The following KBTBD11 variants were observed in gnomAD, a reference collection of about 807,000 sequenced individuals.
The protein encoded by KBTBD11 is kelch repeat and BTB domain-containing protein 11.
For synonymous variants in KBTBD11, 747 were observed against 499.0 expected, an observed-to-expected ratio of 1.50 and a Z score of -6.63; for missense variants, 1,390 against 1,001.8, an observed-to-expected ratio of 1.39 and a Z score of -5.23.
At chr8:1,978,674 C>A (rs913180725) in intron 1 of KBTBD11, among the ~76,000 whole-genome samples, 1 of 152,158 alleles carries the variant, frequency 6.6e-6, no homozygotes, top group African/African-American at 2.4e-5. Flanking sequence ...GGGGAGGGAA[C>A]GGGGTCTCAA....
chr8:2,001,915 C>A lies in KBTBD11; in HGVS notation c.723C>A (p.Ser241Arg). 1 of 1,454,956 alleles carries A rather than the reference C, an allele frequency of 6.9e-7. No individual in the cohort carries two copies. The allele number at this position is 1,454,956 out of a possible 1,614,324, so 90.1% of individuals were successfully genotyped here. ...LSLANCYEVL[S>R]AAKRQRLNEL... is the part of the protein sequence containing the mutation. Reference sequence around the variant, plus strand: ...TGGCCAACTGCTACGAGGTCCTGAGCGCGGCCAAGCGGCAGCGGCTGAACG... The same window carrying A: ...TGGCCAACTGCTACGAGGTCCTGAGAGCGGCCAAGCGGCAGCGGCTGAACG... Residue 241 changes from serine to arginine, a missense_variant, in exon 2 of 2, where the codon AGC (serine) becomes AGA (arginine). Ser to Arg is a moderately radical substitution (Grantham distance 110). Coordinates refer to ENST00000320248, the MANE Select transcript of KBTBD11 (RefSeq NM_014867.3).
chr8:1,986,600 AGT>A (rs1816713047), intron 1 of KBTBD11, among the ~76,000 whole-genome samples: 2 of 152,182 alleles, frequency 1.3e-5, no homozygotes, highest in Non-Finnish European at 2.9e-5. Context: ...TTAGTAACTA[AGT>A]TACTCAGCAG....
At chr8:1,978,316 C>T (rs1358930216) in intron 1 of KBTBD11, among the ~76,000 whole-genome samples, 1 of 152,228 alleles carries the variant, frequency 6.6e-6, no homozygotes, top group Non-Finnish European at 1.5e-5. Flanking sequence ...TCTCGCTGGG[C>T]ACAGCTCACC....
At position 1,974,423 on chromosome 8, in the gene KBTBD11, TCCC is replaced by T. The variant is rs1383924141; in HGVS notation, c.-909+489_-909+491del. On this transcript the variant is annotated intron_variant, in intron 1 of 1. Coordinates refer to ENST00000320248, the MANE Select transcript of KBTBD11 (RefSeq NM_014867.3). Reference sequence around the variant, plus strand: ...CGCGCGGGGCCAGGGCGGGGGCTCCTCCCGGGGTTGCTCCGCTTGGCTCTCGGC... The same window carrying T: ...CGCGCGGGGCCAGGGCGGGGGCTCCTGGGGTTGCTCCGCTTGGCTCTCGGC... The T allele has an allele frequency of 4.4e-4, 430 of 984,578 alleles. 2 individuals are homozygous for T. In the African/African-American group the frequency reaches 7.1e-3, roughly 16 times the overall value. 61.0% of individuals were successfully genotyped at this position (984,578 alleles called of 1,614,324 possible).
intron 1 of KBTBD11, among the ~76,000 whole-genome samples, chr8:1,993,359 G>GTCCA (rs1443435999): frequency 9.7e-6 from 1 of 103,600 alleles, no homozygotes; most frequent in African/African-American, 2.9e-5. Flanking sequence ...CCATCCATCG[G>GTCCA]TCCATCCGTC....
chr8:1,996,657 G>A (rs1817153572), intron 1 of KBTBD11, among the ~76,000 whole-genome samples: 1 of 152,132 alleles, frequency 6.6e-6, no homozygotes. Flanking sequence ...TAAGCTGACT[G>A]TAATGATTTG....
intron 1 of KBTBD11, chr8:1,974,835 GGAAAA>G (rs1335773608): frequency 3.4e-5 from 12 of 348,708 alleles, no homozygotes; most frequent in Non-Finnish European, 4.8e-5. Flanking sequence ...TCTATTCTAA[GGAAAA>G]GAAAAGGAAC....
In KBTBD11 at chr8:2,003,100, G is replaced by A; in HGVS notation, c.*36G>A. The A allele has an allele frequency of 7.9e-7, 1 of 1,258,424 alleles. No individual in the cohort carries two copies. Among genetic ancestry groups the A allele is most frequent in the Non-Finnish European group, 1.0e-6 (1 of 996,834 alleles). 78.0% of individuals were successfully genotyped at this position (1,258,424 alleles called of 1,614,324 possible). On this transcript the variant is annotated 3_prime_UTR_variant, in exon 2 of 2. Coordinates refer to ENST00000320248, the MANE Select transcript of KBTBD11 (RefSeq NM_014867.3). The stretch of plus-strand genomic sequence containing the variant: ...TCGGCGGGCGTCTCCCTCGGCAGGG[G>A]TTTGCGGGGCCCAGGTCCCTTTGGG...
intron 1 of KBTBD11, among the ~76,000 whole-genome samples, chr8:1,993,482 TATCCGTCCATCCGTCCATCCATCCATCC>T (rs1817002498): frequency 5.4e-4 from 68 of 126,958 alleles, no homozygotes; most frequent in Non-Finnish European, 9.1e-4. Context: ...TCCATCCATC[TATCCGTCCATCCGTCCATCCATCCATCC>T]ATCCATCCAC....
At chr8:1,976,940 G>A (rs1022363993) in intron 1 of KBTBD11, among the ~76,000 whole-genome samples, 5 of 152,158 alleles carry the variant, frequency 3.3e-5, no homozygotes, top group South Asian at 2.1e-4. Context: ...AATGTCAGCC[G>A]ATTTTATGGC....
rs775727271 is a variant in KBTBD11 at position 2,001,717 on chromosome 8, G to C, written c.525G>C (p.Arg175=). ...FRARASRDVL[R]VQGVSLTALR... The stretch of plus-strand genomic sequence containing the variant: ...CGCGCGCGTCGCGGGACGTGCTGCG[G>C]GTGCAGGGAGTGAGCCTGACGGCGC... The change falls in exon 2 of 2, where the codon CGG becomes CGC. Residue 175 remains arginine (R), a synonymous_variant. Transcript: ENST00000320248. 2.8e-6 allele frequency: 4 copies of C among 1,413,806 alleles called. No homozygotes were observed. The highest frequency in any genetic ancestry group is 2.9e-5 in the Admixed American group (1 of 34,478). The allele number at this position is 1,413,806 out of a possible 1,614,324, so 87.6% of individuals were successfully genotyped here. A position where few individuals can be genotyped will look rare whatever the true frequency, so the allele number is the denominator to read the frequency against.
Position 2,001,365 on chromosome 8 carries a change from C to T in KBTBD11, c.173C>T (p.Ala58Val), listed in dbSNP as rs770965401. 1.4e-6 allele frequency: 2 copies of T among 1,475,080 alleles called. No individual in the cohort carries two copies. The highest frequency in any genetic ancestry group is 1.3e-5 in the South Asian group (1 of 77,572). The allele number at this position is 1,475,080 out of a possible 1,614,324, so 91.4% of individuals were successfully genotyped here. A position where few individuals can be genotyped will look rare whatever the true frequency, so the allele number is the denominator to read the frequency against. ...ESPPQSLASA[A>V]EGAATSPPSS... Reference sequence around the variant, plus strand: ...CCGCCGCAGTCCCTCGCCTCAGCGGCGGAAGGCGCGGCCACCTCCCCGCCC... The same window carrying T: ...CCGCCGCAGTCCCTCGCCTCAGCGGTGGAAGGCGCGGCCACCTCCCCGCCC... The change falls in exon 2 of 2, where the codon GCG becomes GTG. Residue 58 changes from alanine (A) to valine (V), a missense_variant. Ala to Val is a moderately conservative substitution (Grantham distance 64). Transcript: ENST00000320248.
At position 2,001,990 on chromosome 8, in the gene KBTBD11, G is replaced by A. The variant is rs1817388419; in HGVS notation, c.798G>A (p.Val266=). Reference sequence around the variant, plus strand: ...TCATGAGCGACCACTATCTGGAGGTGCTGCGCGAGCCCGCCGTGTTCGGCC... The same window carrying A: ...TCATGAGCGACCACTATCTGGAGGTACTGCGCGAGCCCGCCGTGTTCGGCC... The part of the protein sequence containing the change: ...YCFMSDHYLE[V]LREPAVFGRL... The change falls in exon 2 of 2, where the codon GTG becomes GTA. Residue 266 remains valine, a synonymous_variant. Coordinates refer to ENST00000320248, the MANE Select transcript of KBTBD11 (RefSeq NM_014867.3). The A allele has an allele frequency of 1.4e-6, 2 of 1,434,348 alleles. No individual in the cohort carries two copies. The highest frequency in any genetic ancestry group is 1.8e-6 in the Non-Finnish European group (2 of 1,087,656). 88.9% of individuals were successfully genotyped at this position (1,434,348 alleles called of 1,614,324 possible).
At chr8:1,976,539 A>T (rs1816350537) in intron 1 of KBTBD11, 1 of 151,792 alleles carries the variant, frequency 6.6e-6, no homozygotes. Flanking sequence ...TTCTCTTCTG[A>T]ATATTTGTGG....
intron 1 of KBTBD11, among the ~76,000 whole-genome samples, chr8:1,987,031 A>C (rs1344725306): frequency 2.7e-5 from 4 of 147,566 alleles, no homozygotes; most frequent in Admixed American, 2.7e-4. Context: ...AAAAAAAAAA[A>C]AACCACGCAC....
chr8:2,002,429 C>A lies in KBTBD11; in HGVS notation c.1237C>A (p.His413Asn). 6.7e-7 allele frequency: 1 copy of A among 1,492,142 alleles called. No homozygotes were observed. The highest frequency in any genetic ancestry group is 8.9e-7 in the Non-Finnish European group (1 of 1,128,064). The allele number at this position is 1,492,142 out of a possible 1,614,324, so 92.4% of individuals were successfully genotyped here. A position where few individuals can be genotyped will look rare whatever the true frequency, so the allele number is the denominator to read the frequency against. ...GCTGCGGCTGCTGGCCCTGGACGGT[C>A]ACCTCTACGCCGTGGGCGGCGAGTG... Reference protein sequence around the residue: ...SQLRLLALDGHLYAVGGECLL... With the variant: ...SQLRLLALDGNLYAVGGECLL... Residue 413 changes from histidine to asparagine, a missense_variant, in exon 2 of 2, where the codon CAC (histidine) becomes AAC (asparagine). Physicochemically the swap from His to Asn is moderately conservative, Grantham distance 68. Coordinates refer to ENST00000320248, the MANE Select transcript of KBTBD11 (RefSeq NM_014867.3). The surrounding 1 kb of genome is among the most constrained non-coding windows in gnomAD (Gnocchi z 4.1).
intron 1 of KBTBD11, among the ~76,000 whole-genome samples, chr8:1,994,742 C>T (rs766561726): frequency 1.3e-5 from 2 of 152,136 alleles, no homozygotes; most frequent in African/African-American, 2.4e-5. Context: ...CAGCTGGTCT[C>T]TTAGGATGCC....
At chr8:1,984,049 G>A (rs1816627668) in intron 1 of KBTBD11, among the ~76,000 whole-genome samples, 1 of 152,210 alleles carries the variant, frequency 6.6e-6, no homozygotes, top group Non-Finnish European at 1.5e-5. Context: ...AGAATCACTT[G>A]AACCTGGGTG....
In KBTBD11 at chr8:2,004,003, A is replaced by AT. The variant is rs964392532; in HGVS notation, c.*940dup. ...AAAATCATTTTGCTTTGACAGTTCT[A>AT]TAAAAAAAAGTGTAGGCACATTTTA... On this transcript the variant is annotated 3_prime_UTR_variant, in exon 2 of 2. Coordinates refer to ENST00000320248, the MANE Select transcript of KBTBD11 (RefSeq NM_014867.3). The AT allele has an allele frequency of 2.4e-5, 4 of 166,810 alleles. No homozygotes were observed. The highest frequency in any genetic ancestry group is 9.7e-5 in the African/African-American group (4 of 41,442). 10.3% of individuals were successfully genotyped at this position (166,810 alleles called of 1,614,324 possible).
Sources: allele counts gnomAD v4.1 joint callset (sites outside exome capture counted in the v4.1 genomes callset), GRCh38; gene constraint gnomAD v4.1.1; non-coding constraint Gnocchi (gnomAD v3.1); transcripts MANE v1.5; gene names NCBI Gene and HGNC (gene_info 2026-07-23, HGNC 2026-07-21).